Variants in WWOX observed in about 807,000 individuals in gnomAD.
WWOX encodes WW domain-containing oxidoreductase.
WWOX carries 69 observed loss-of-function variants against 46.2 expected under a neutral mutation model. That is an observed-to-expected ratio of 1.49 (90% CI 1.23 to 1.82). WWOX has a LOEUF of 1.82. Ranked by LOEUF, WWOX falls within the 40% of genes most tolerant of loss-of-function variation. The probability of loss-of-function intolerance (pLI) is 0.00; values close to 1 mark genes in which losing one functional copy is unlikely to be tolerated. For synonymous variants in WWOX, 359 were observed against 202.6 expected (o/e 1.77, Z -6.56); for missense variants, 919 against 542.6 (o/e 1.69, Z -6.89).
chr16:78,123,440 G>GGTTTTTTTTTTTTT (rs1555538263), intron 4 of WWOX: 1 of 50,500 alleles, frequency 2.0e-5, no homozygotes, highest in Non-Finnish European at 3.7e-5. Context: ...TTTTTGTTTT[G>GGTTTTTTTTTTTTT]TTTTTTTTTT....
chr16:79,109,231 G>A (rs1443446360), intron 8 of WWOX, among the ~76,000 whole-genome samples: 1 of 152,154 alleles, frequency 6.6e-6, no homozygotes, highest in Non-Finnish European at 1.5e-5. Flanking sequence ...TTTTGCCGCT[G>A]TCCTCCTAAT....
chr16:78,109,831 G>T lies in WWOX; in HGVS notation c.226G>T (p.Val76Phe). The change falls in exon 3 of 9, where the codon GTT becomes TTT. Residue 76 changes from valine (V) to phenylalanine (F), a missense_variant. Coordinates refer to ENST00000566780, the MANE Select transcript of WWOX (RefSeq NM_016373.4). ...TGATGAGAACGGACAAGTGTTTTTT[G>T]TTGAGTAAGTGTCTGCAAAGAAACC... ...ETDENGQVFF[V>F]DHINKRTTYL... The T allele has an allele frequency of 6.2e-7, 1 of 1,614,076 alleles. No homozygotes were observed. The highest frequency in any genetic ancestry group is 8.5e-7 in the Non-Finnish European group (1 of 1,180,016).
At chr16:78,894,622 G>A (rs2044661510) in intron 8 of WWOX, among the ~76,000 whole-genome samples, 1 of 152,112 alleles carries the variant, frequency 6.6e-6, no homozygotes, top group South Asian at 2.1e-4. Context: ...AATGTGTCGA[G>A]GGAGCAAGGT....
At chr16:78,834,598 G>T (rs548368942) in intron 8 of WWOX, among the ~76,000 whole-genome samples, 1 of 152,162 alleles carries the variant, frequency 6.6e-6, no homozygotes, top group Non-Finnish European at 1.5e-5. Context: ...TGATCAGAAA[G>T]TACAGCGTAG....
chr16:78,644,957 A>G (rs951566925), intron 8 of WWOX, among the ~76,000 whole-genome samples: 2 of 152,216 alleles, frequency 1.3e-5, no homozygotes, highest in African/African-American at 2.4e-5. Flanking sequence ...ACTCGTTACT[A>G]TTAGTAAACG....
chr16:79,015,235 T>G (rs1363153304), intron 8 of WWOX, among the ~76,000 whole-genome samples: 1 of 152,134 alleles, frequency 6.6e-6, no homozygotes, highest in Admixed American at 6.5e-5. Context: ...GGTGCCTGAT[T>G]TCCTGGGCCT....
At chr16:78,957,577 C>T (rs1170548871) in intron 8 of WWOX, among the ~76,000 whole-genome samples, 7 of 152,120 alleles carry the variant, frequency 4.6e-5, no homozygotes, top group South Asian at 2.1e-4. Flanking sequence ...GTGAAATACC[C>T]GTGATTCATA....
At chr16:78,129,284 T>C (rs79889014) in intron 4 of WWOX, among the ~76,000 whole-genome samples, 1 of 113,568 alleles carries the variant, frequency 8.8e-6, no homozygotes, top group African/African-American at 2.6e-5. Flanking sequence ...AGTGTACACA[T>C]GTTTGCATCT....
chr16:78,337,201 G>A (rs753806403), intron 5 of WWOX, among the ~76,000 whole-genome samples: 2 of 152,200 alleles, frequency 1.3e-5, no homozygotes, highest in African/African-American at 4.8e-5. Context: ...TGTGTTATTA[G>A]CAAATCCCTC....
chr16:78,573,846 C>T (rs1307016659), intron 8 of WWOX, among the ~76,000 whole-genome samples: 17 of 152,214 alleles, frequency 1.1e-4, no homozygotes, highest in Non-Finnish European at 1.5e-5. Context: ...TAAATTAACA[C>T]AAATTTTGCA....
chr16:78,187,149 A>G (rs1338430163), intron 5 of WWOX, among the ~76,000 whole-genome samples: 1 of 152,224 alleles, frequency 6.6e-6, no homozygotes, highest in Non-Finnish European at 1.5e-5. Context: ...TATCTTAACC[A>G]GGTTAACTGA....
chr16:78,647,567 C>T (rs573174650), intron 8 of WWOX, among the ~76,000 whole-genome samples: 6 of 152,326 alleles, frequency 3.9e-5, no homozygotes, highest in Admixed American at 2.6e-4. Flanking sequence ...GCTCCACTGC[C>T]ACTGTCCCGT....
chr16:78,589,927 A>C (rs539144580), intron 8 of WWOX, among the ~76,000 whole-genome samples: 1 of 152,272 alleles, frequency 6.6e-6, no homozygotes, highest in African/African-American at 2.4e-5. Flanking sequence ...CATTTGTTGG[A>C]ATTTCCCAAG....
At chr16:78,687,820 C>T (rs995603242) in intron 8 of WWOX, among the ~76,000 whole-genome samples, 1 of 151,962 alleles carries the variant, frequency 6.6e-6, no homozygotes, top group African/African-American at 2.4e-5. Context: ...TTTAGTAATC[C>T]CTGAAGCTCT....
chr16:78,960,966 A>T lies in WWOX; in HGVS notation c.1057-250642A>T, dbSNP rs547016238. ...TATCTTAGCTTTCTGGAAAGAGAAG[A>T]ATCTATAATGTATTCTCCATGGAGT... On this transcript the variant is annotated intron_variant, in intron 8 of 8. Coordinates refer to ENST00000566780, the MANE Select transcript of WWOX (RefSeq NM_016373.4). Among the ~76,000 whole-genome samples, 282 of 152,328 alleles carry T rather than the reference A, an allele frequency of 1.9e-3. 1 individual carries two copies. Among genetic ancestry groups the T allele is most frequent in the Non-Finnish European group, 3.4e-3 (228 of 68,030 alleles).
At chr16:78,947,693 C>A (rs1258527741) in intron 8 of WWOX, among the ~76,000 whole-genome samples, 4 of 152,102 alleles carry the variant, frequency 2.6e-5, no homozygotes, top group Non-Finnish European at 5.9e-5. Flanking sequence ...TTGCTTTGTC[C>A]CCTCACTTAG....
chr16:78,190,394 C>A (rs767425187), intron 5 of WWOX, among the ~76,000 whole-genome samples: 1 of 152,132 alleles, frequency 6.6e-6, no homozygotes, highest in Non-Finnish European at 1.5e-5. Flanking sequence ...ACTAATAAAT[C>A]CCGCTTTGTG....
At chr16:78,710,233 G>T (rs114238774) in intron 8 of WWOX, among the ~76,000 whole-genome samples, 191 of 151,640 alleles carry the variant, frequency 1.3e-3, no homozygotes, top group African/African-American at 4.4e-3. Flanking sequence ...GGCACCTGGG[G>T]ACTGGTTTCC....
chr16:78,196,041 C>T (rs892536353), intron 5 of WWOX, among the ~76,000 whole-genome samples: 3 of 152,078 alleles, frequency 2.0e-5, no homozygotes, highest in African/African-American at 7.2e-5. Context: ...AAATCTTTGC[C>T]TTATCTCGAT....
Sources: allele counts gnomAD v4.1 joint callset (sites outside exome capture counted in the v4.1 genomes callset), GRCh38; gene constraint gnomAD v4.1.1; transcripts MANE v1.5; gene names NCBI Gene and HGNC (gene_info 2026-07-23, HGNC 2026-07-21).